The following WWOX variants were observed in gnomAD, a reference collection of about 807,000 sequenced individuals.
WWOX encodes WW domain containing oxidoreductase.
A neutral mutation model predicts 46.2 loss-of-function variants in WWOX; 69 were observed. The observed-to-expected ratio is 1.49, with a 90% confidence interval of 1.23 to 1.82. WWOX has a LOEUF of 1.82. Among genes scored for constraint, WWOX ranks in the 40% most tolerant of loss-of-function variants. WWOX has a pLI of 0.00. For missense variants in WWOX, 919 were observed against 542.6 expected, an observed-to-expected ratio of 1.69 and a Z score of -6.89; for synonymous variants, 359 against 202.6, an observed-to-expected ratio of 1.77 and a Z score of -6.56.
chr16:78,855,015 A>G (rs1419523829), intron 8 of WWOX, among the ~76,000 whole-genome samples: 3 of 152,012 alleles, frequency 2.0e-5, no homozygotes, highest in African/African-American at 7.3e-5. Flanking sequence ...TAAAAAAATC[A>G]GTATGATTCA....
At chr16:78,455,496 C>G (rs1230834451) in intron 8 of WWOX, among the ~76,000 whole-genome samples, 2 of 151,292 alleles carry the variant, frequency 1.3e-5, no homozygotes, top group African/African-American at 4.8e-5. Flanking sequence ...CAAAAATTAG[C>G]TGGGTGTGTG....
chr16:78,652,992 G>T (rs1015735486), intron 8 of WWOX, among the ~76,000 whole-genome samples: 4 of 151,998 alleles, frequency 2.6e-5, no homozygotes, highest in Admixed American at 6.6e-5. Flanking sequence ...AGAAAATGAA[G>T]AAAAATTTAG....
chr16:78,559,894 C>T (rs1415382133), intron 8 of WWOX, among the ~76,000 whole-genome samples: 1 of 152,198 alleles, frequency 6.6e-6, no homozygotes, highest in Non-Finnish European at 1.5e-5. Context: ...CAATTTATGA[C>T]TTGGCTTACA....
chr16:79,073,388 C>G (rs929347379), intron 8 of WWOX, among the ~76,000 whole-genome samples: 5 of 152,010 alleles, frequency 3.3e-5, no homozygotes, highest in African/African-American at 9.7e-5. Context: ...CCATGTTGGC[C>G]AGGCTGGTCT....
chr16:78,256,524 C>T (rs1347409266), intron 5 of WWOX, among the ~76,000 whole-genome samples: 1 of 151,710 alleles, frequency 6.6e-6, no homozygotes, highest in Non-Finnish European at 1.5e-5. Context: ...AGCTTTGTGA[C>T]CCTCCTAGGC....
chr16:78,222,790 A>G (rs972885159), intron 5 of WWOX, among the ~76,000 whole-genome samples: 2 of 152,214 alleles, frequency 1.3e-5, no homozygotes, highest in Non-Finnish European at 2.9e-5. Context: ...AGTGACATCT[A>G]TTTCAAGTAT....
chr16:78,178,964 G>A (rs946937058), intron 5 of WWOX, among the ~76,000 whole-genome samples: 1 of 152,078 alleles, frequency 6.6e-6, no homozygotes, highest in African/African-American at 2.4e-5. Context: ...CTGGTCAAAT[G>A]TTTACATGGG....
At chr16:79,124,252 G>A (rs1029079317) in intron 8 of WWOX, among the ~76,000 whole-genome samples, 2 of 152,098 alleles carry the variant, frequency 1.3e-5, no homozygotes, top group African/African-American at 4.8e-5. Flanking sequence ...CTGGTCAAAC[G>A]GTGCAGAGCG....
chr16:78,594,867 T>G (rs1277116760), intron 8 of WWOX, among the ~76,000 whole-genome samples: 1 of 152,210 alleles, frequency 6.6e-6, no homozygotes, highest in African/African-American at 2.4e-5. Context: ...TCCCTCATTG[T>G]TTATTTAAAT....
chr16:78,421,467 C>G (rs147514621), intron 6 of WWOX, among the ~76,000 whole-genome samples: 80 of 152,266 alleles, frequency 5.3e-4, no homozygotes, highest in African/African-American at 1.8e-3. Flanking sequence ...CCACCTTAAT[C>G]CAAGATGATC....
At chr16:78,509,821 G>T (rs184015372) in intron 8 of WWOX, among the ~76,000 whole-genome samples, 1 of 151,830 alleles carries the variant, frequency 6.6e-6, no homozygotes, top group African/African-American at 2.4e-5. Context: ...TGAGGAAGCC[G>T]TGTGGCTCAC....
chr16:79,203,494 T>C (rs572625240), intron 8 of WWOX: 10 of 139,624 alleles, frequency 7.2e-5, no homozygotes, highest in African/African-American at 2.5e-4. Flanking sequence ...GGAGACCTTG[T>C]GTTTTTTTTT....
intron 8 of WWOX, among the ~76,000 whole-genome samples, chr16:78,822,305 C>G (rs557038867): frequency 6.6e-6 from 1 of 152,244 alleles, no homozygotes; most frequent in African/African-American, 2.4e-5. Flanking sequence ...CCCAGCCTGG[C>G]TGACATGACG....
chr16:78,991,816 T>A (rs1261073492), intron 8 of WWOX, among the ~76,000 whole-genome samples: 1 of 152,152 alleles, frequency 6.6e-6, no homozygotes, highest in African/African-American at 2.4e-5. Flanking sequence ...GTAGTTTTCA[T>A]CTCGGTGTTC....
chr16:78,108,307 C>T lies in WWOX; in HGVS notation c.108-116C>T, dbSNP rs556375272. 1.6e-4 allele frequency: 166 copies of T among 1,011,656 alleles called. No individual in the cohort carries two copies. The Middle Eastern group carries it at 1.9e-3, about 11-fold the overall frequency. The allele number at this position is 1,011,656 out of a possible 1,614,324, so 62.7% of individuals were successfully genotyped here. A position where few individuals can be genotyped will look rare whatever the true frequency, so the allele number is the denominator to read the frequency against. On this transcript the variant is annotated intron_variant, in intron 1 of 8. Transcript: ENST00000566780. ...GGTCACAGTCCTCTTTCTCCTTCTT[C>T]CCCCTACTTCCTTCTTATATCTGGC... is the stretch of plus-strand genomic sequence containing the variant.
At chr16:79,099,091 A>G (rs965365395) in intron 8 of WWOX, among the ~76,000 whole-genome samples, 7 of 152,144 alleles carry the variant, frequency 4.6e-5, no homozygotes, top group Non-Finnish European at 8.8e-5. Flanking sequence ...AGGAAGCAAG[A>G]GAGAAGGGAA....
intron 8 of WWOX, among the ~76,000 whole-genome samples, chr16:78,932,026 C>T (rs772955569): frequency 1.3e-5 from 2 of 152,220 alleles, no homozygotes; most frequent in African/African-American, 2.4e-5. Flanking sequence ...TGGCCTTCTG[C>T]CGTGATTGTG....
intron 8 of WWOX, among the ~76,000 whole-genome samples, chr16:78,960,220 A>C (rs988114538): frequency 5.3e-5 from 8 of 152,238 alleles, no homozygotes; most frequent in Non-Finnish European, 1.2e-4. Context: ...CTGACACCAA[A>C]AATGACCTTA....
At chr16:78,919,164 G>A (rs1007233108) in intron 8 of WWOX, among the ~76,000 whole-genome samples, 5 of 152,072 alleles carry the variant, frequency 3.3e-5, no homozygotes, top group African/African-American at 1.2e-4. Context: ...CATACTTTGA[G>A]TAACTATTAC....
Sources: allele counts gnomAD v4.1 joint callset (sites outside exome capture counted in the v4.1 genomes callset), GRCh38; gene constraint gnomAD v4.1.1; transcripts MANE v1.5; gene names NCBI Gene and HGNC (gene_info 2026-07-23, HGNC 2026-07-21).